The following RHOBTB1 variants were observed in gnomAD, a reference collection of about 807,000 sequenced individuals.
The protein encoded by RHOBTB1 is rho-related BTB domain-containing protein 1.
In RHOBTB1, 40 loss-of-function variants were observed where a neutral mutation model predicts 71.6. The ratio of observed to expected loss-of-function variants is 0.56; its 90% confidence interval spans 0.43 to 0.73. The LOEUF is 0.73. RHOBTB1 is among the 30% of genes least tolerant of loss of function. The probability of loss-of-function intolerance (pLI) is 0.00; values close to 1 mark genes in which losing one functional copy is unlikely to be tolerated. For missense variants in RHOBTB1, 797 were observed against 894.0 expected, an observed-to-expected ratio of 0.89 and a Z score of 1.38; for synonymous variants, 319 against 334.9, an observed-to-expected ratio of 0.95 and a Z score of 0.52.
chr10:60,865,019 G>T (rs72472072), downstream of RHOBTB1, among the ~76,000 whole-genome samples: 27,493 of 152,112 alleles, frequency 0.18, 2,778 homozygotes, highest in African/African-American at 0.27. Context: ...GAAATCTCAG[G>T]TGTATAAAGA....
rs774246790 is a variant in RHOBTB1, at chr10:60,889,195, AAC to A, written c.483-12_483-11del. Reference sequence around the variant, plus strand: ...CCCTCTCTTTATGGGCCTGAAATAGAACATTTTAAAAATTATAATCAGCCTTG... The same window carrying A: ...CCCTCTCTTTATGGGCCTGAAATAGAATTTTAAAAATTATAATCAGCCTTG... On this transcript the variant is annotated splice_polypyrimidine_tract_variant and intron_variant, in intron 5 of 10. Transcript: ENST00000337910. The A allele has an allele frequency of 5.1e-6, 8 of 1,582,532 alleles. No homozygotes were observed. The highest frequency in any genetic ancestry group is 6.8e-6 in the Non-Finnish European group (8 of 1,168,312).
intron 2 of RHOBTB1, among the ~76,000 whole-genome samples, chr10:60,949,552 T>C (rs1186080047): frequency 6.6e-6 from 1 of 152,036 alleles, no homozygotes. Context: ...AGTTTTGGTG[T>C]AGGAATCAAC....
intron 3 of RHOBTB1, 137 bp from the exon 4 acceptor site, chr10:60,911,127 T>C: frequency 1.3e-6 from 1 of 766,372 alleles, no homozygotes; most frequent in Non-Finnish European, 2.1e-6. Context: ...GGATTTAAGC[T>C]AAGTCTTAAT....
intron 2 of RHOBTB1, among the ~76,000 whole-genome samples, chr10:60,952,028 A>T (rs1262112960): frequency 6.6e-6 from 1 of 152,066 alleles, no homozygotes; most frequent in African/African-American, 2.4e-5. Context: ...ACTGCACTCC[A>T]GCCTGGACAA....
At chr10:60,939,836 C>A (rs1370505209) in intron 2 of RHOBTB1, among the ~76,000 whole-genome samples, 1 of 152,126 alleles carries the variant, frequency 6.6e-6, no homozygotes, top group Non-Finnish European at 1.5e-5. Context: ...TAACCAAAGC[C>A]TTATGAAGTT....
intron 2 of RHOBTB1, among the ~76,000 whole-genome samples, chr10:60,915,769 G>A (rs2083239482): frequency 6.6e-6 from 1 of 151,998 alleles, no homozygotes; most frequent in African/African-American, 2.4e-5. Flanking sequence ...ATACCTGCCC[G>A]CTATTATTGC....
chr10:60,872,729 G>C (rs1276207084), intron 9 of RHOBTB1, among the ~76,000 whole-genome samples: 3 of 152,172 alleles, frequency 2.0e-5, no homozygotes, highest in Admixed American at 2.0e-4. Context: ...TCCGAAAGAG[G>C]AGACTGCAGA....
At chr10:60,979,058 T>C (rs992843784) in intron 2 of RHOBTB1, among the ~76,000 whole-genome samples, 25 of 152,172 alleles carry the variant, frequency 1.6e-4, no homozygotes, top group African/African-American at 5.8e-4. Flanking sequence ...ATGGCTTCCT[T>C]GTCATCAGTA....
intron 2 of RHOBTB1, among the ~76,000 whole-genome samples, chr10:60,969,328 T>G (rs1378954148): frequency 2.0e-5 from 3 of 152,080 alleles, no homozygotes; most frequent in African/African-American, 7.2e-5. Context: ...CAAAAGCAAC[T>G]TTGGTGTTAA....
chr10:60,964,598 C>T (rs1175424962), intron 2 of RHOBTB1, among the ~76,000 whole-genome samples: 3 of 152,056 alleles, frequency 2.0e-5, no homozygotes, highest in East Asian at 3.9e-4. Context: ...ATTTTAAACA[C>T]GTCATTTCTT....
intron 4 of RHOBTB1, among the ~76,000 whole-genome samples, chr10:60,904,761 C>T (rs1254720912): frequency 2.0e-5 from 3 of 152,178 alleles, no homozygotes; most frequent in Non-Finnish European, 4.4e-5. Context: ...AATAGGAGAG[C>T]TAACAGTTTT....
intron 9 of RHOBTB1, among the ~76,000 whole-genome samples, chr10:60,873,119 G>C (rs10994554): frequency 0.062 from 9,378 of 152,254 alleles, 356 homozygotes; most frequent in Admixed American, 0.072. Context: ...ACCCACTCAA[G>C]AGACTCACTG....
chr10:60,907,434 G>T (rs1004439097), intron 4 of RHOBTB1, among the ~76,000 whole-genome samples: 4 of 152,084 alleles, frequency 2.6e-5, no homozygotes, highest in African/African-American at 7.2e-5. Flanking sequence ...TACTATGTAT[G>T]GTTTTGTTCC....
At chr10:60,983,750 C>T (rs2086576393) in intron 2 of RHOBTB1, among the ~76,000 whole-genome samples, 1 of 152,162 alleles carries the variant, frequency 6.6e-6, no homozygotes, top group African/African-American at 2.4e-5. Flanking sequence ...TTCAAACCTG[C>T]TTTCCAAATT....
At chr10:60,905,868 G>A (rs1002707008) in intron 4 of RHOBTB1, among the ~76,000 whole-genome samples, 1 of 152,098 alleles carries the variant, frequency 6.6e-6, no homozygotes, top group Admixed American at 6.6e-5. Context: ...TAAAACACAA[G>A]CACAACCAAT....
intron 4 of RHOBTB1, among the ~76,000 whole-genome samples, chr10:60,898,295 A>T (rs533158991): frequency 1.8e-4 from 27 of 152,218 alleles, no homozygotes; most frequent in African/African-American, 6.0e-4. Flanking sequence ...CCTGCTGGTA[A>T]CTGAGGTAGG....
chr10:60,975,550 T>C (rs2086287752), intron 2 of RHOBTB1, among the ~76,000 whole-genome samples: 6 of 152,112 alleles, frequency 3.9e-5, no homozygotes, highest in Admixed American at 3.9e-4. Context: ...ATGGAAATAC[T>C]AGGTAATAAC....
chr10:60,869,856 C>T lies in RHOBTB1; in HGVS notation c.*1626G>A, dbSNP rs1022630219. The stretch of plus-strand genomic sequence containing the variant: ...TTTGTCATGACAAGGTGATGCATTT[C>T]TGGGCCTCTCCTAAGATCTTCTATC... On this transcript the variant is annotated 3_prime_UTR_variant, in exon 11 of 11. Coordinates refer to ENST00000337910, the MANE Select transcript of RHOBTB1 (RefSeq NM_014836.5). 5 of 152,636 alleles carry T rather than the reference C, an allele frequency of 3.3e-5. No homozygotes were observed. Among genetic ancestry groups the T allele is most frequent in the African/African-American group, 9.7e-5 (4 of 41,450 alleles). The allele number at this position is 152,636 out of a possible 1,614,324, so 9.5% of individuals were successfully genotyped here.
chr10:60,862,403 G>A, the RHOBTB1 span, among the ~76,000 whole-genome samples: 2 of 151,990 alleles, frequency 1.3e-5, no homozygotes, highest in Admixed American at 6.6e-5. Context: ...TCACCATGTT[G>A]GCCAGGCTGG....
Sources: gnomAD v4.1 joint callset for allele counts (sites outside exome capture counted in the v4.1 genomes callset) on GRCh38, gnomAD v4.1.1 for gene constraint, MANE v1.5 for transcripts, NCBI Gene and HGNC (gene_info 2026-07-23, HGNC 2026-07-21) for gene names.